PCDHGA5: variants seen among roughly 807,000 people sequenced by gnomAD.
The protein encoded by PCDHGA5 is protocadherin gamma-A5.
A neutral mutation model predicts 56.7 loss-of-function variants in PCDHGA5; 36 were observed. That is an observed-to-expected ratio of 0.64 (90% CI 0.49 to 0.84). The LOEUF (loss-of-function observed/expected upper bound fraction) is 0.84, where lower values mean the gene tolerates loss of function less well. Ranked by LOEUF, PCDHGA5 falls within the 40% of genes least tolerant of loss-of-function variation. The probability of loss-of-function intolerance (pLI) is 0.00; values close to 1 mark genes in which losing one functional copy is unlikely to be tolerated. For missense variants in PCDHGA5, 1,305 were observed against 1,201.5 expected, an observed-to-expected ratio of 1.09 and a Z score of -1.27; for synonymous variants, 563 against 520.2, an observed-to-expected ratio of 1.08 and a Z score of -1.12.
At position 141,477,115 on chromosome 5, in the gene PCDHGA5, A is replaced by G. The variant is rs1218111107; in HGVS notation, c.2422-17692A>G. ...AAGACAAGGGCGCCAATCCCGAAGG[A>G]GCACATTGCAAAGTGTTGGTGGAGG... On this transcript the variant is annotated intron_variant, in intron 1 of 3. Transcript: ENST00000518069. This position sits in a 1 kb window ranked among gnomAD's most constrained non-coding sequence, Gnocchi z 4.9. 1 of 1,614,230 alleles carries G rather than the reference A, an allele frequency of 6.2e-7. No homozygotes were observed. Among genetic ancestry groups the G allele is most frequent in the South Asian group, 1.1e-5 (1 of 91,090 alleles).
chr5:141,372,912 T>G, intron 1 of PCDHGA5: 1 of 1,057,916 alleles, frequency 9.5e-7, no homozygotes. Context: ...ATTACATTAT[T>G]TTATTGATTT....
At chr5:141,389,984 C>A (rs1388496409) in intron 1 of PCDHGA5, 1 of 1,613,952 alleles carries the variant, frequency 6.2e-7, no homozygotes, top group East Asian at 2.2e-5. Flanking sequence ...TCTCAGTGCT[C>A]TTCCTCGTGG....
intron 1 of PCDHGA5, chr5:141,393,842 T>A (rs1010461527): frequency 1.2e-6 from 2 of 1,613,830 alleles, no homozygotes; most frequent in African/African-American, 2.7e-5. Flanking sequence ...TAAATGACAA[T>A]AGACCAGAAG....
chr5:141,429,234 T>C (rs2097199038), intron 1 of PCDHGA5: 1 of 152,114 alleles, frequency 6.6e-6, no homozygotes, highest in African/African-American at 2.4e-5. Context: ...ATGATACTGC[T>C]GTCATTGAGA....
intron 1 of PCDHGA5, chr5:141,415,071 G>T: frequency 6.2e-7 from 1 of 1,613,422 alleles, no homozygotes; most frequent in East Asian, 2.2e-5. Flanking sequence ...AGGTGCGCAC[G>T]GCGCGAGCCC....
intron 1 of PCDHGA5, chr5:141,383,273 A>C: frequency 6.2e-7 from 1 of 1,613,960 alleles, no homozygotes; most frequent in Non-Finnish European, 8.5e-7. Flanking sequence ...GAAATAATAG[A>C]TATTAATGAC....
Position 141,485,298 on chromosome 5 carries a change from G to A in PCDHGA5, c.2422-9509G>A, listed in dbSNP as rs1562104502. 1 of 1,613,978 alleles carries A rather than the reference G, an allele frequency of 6.2e-7. No individual in the cohort carries two copies. On this transcript the variant is annotated intron_variant, in intron 1 of 3. Coordinates refer to ENST00000518069, the MANE Select transcript of PCDHGA5 (RefSeq NM_018918.3). This position sits in a 1 kb window ranked among gnomAD's most constrained non-coding sequence, Gnocchi z 5.7. ...CCGGTCCCAGAGGAGTCACAGGAAG[G>A]GACTTTTGTAGGGAATGTCGCTCAA...
intron 1 of PCDHGA5, chr5:141,384,638 G>A: frequency 1.2e-6 from 2 of 1,614,188 alleles, no homozygotes; most frequent in Non-Finnish European, 8.5e-7. Flanking sequence ...CTGGCACCCC[G>A]CTCCGCAGAG....
In PCDHGA5 at chr5:141,477,442, A is replaced by G; in HGVS notation, c.2422-17365A>G. The G allele has an allele frequency of 6.2e-7, 1 of 1,614,132 alleles. No individual in the cohort carries two copies. Among genetic ancestry groups the G allele is most frequent in the Non-Finnish European group, 8.5e-7 (1 of 1,180,022 alleles). ...CCCCTTCCCTCTCAGCCCTTACAAT[A>G]GTGCGTGTTCAAGTGTCCGACATCA... On this transcript the variant is annotated intron_variant, in intron 1 of 3. Coordinates refer to ENST00000518069, the MANE Select transcript of PCDHGA5 (RefSeq NM_018918.3). This position sits in a 1 kb window ranked among gnomAD's most constrained non-coding sequence, Gnocchi z 4.9.
chr5:141,427,829 G>C, intron 1 of PCDHGA5: 1 of 1,538,520 alleles, frequency 6.5e-7, no homozygotes. Flanking sequence ...TGGTCGCGCA[G>C]CGTGCCTTCG....
At chr5:141,397,920 T>A (rs2093586320) in intron 1 of PCDHGA5, 15 of 727,102 alleles carry the variant, frequency 2.1e-5, no homozygotes, top group Non-Finnish European at 3.3e-5. Flanking sequence ...CCAGATCTCC[T>A]CGCGCAGCCG....
intron 1 of PCDHGA5, chr5:141,391,305 T>TC (rs1349412285): frequency 6.6e-6 from 1 of 151,546 alleles, no homozygotes; most frequent in African/African-American, 2.4e-5. Flanking sequence ...GTCTTTCGAT[T>TC]CTTTTTTTTT....
chr5:141,422,197 G>C, intron 1 of PCDHGA5: 1 of 1,562,284 alleles, frequency 6.4e-7, no homozygotes, highest in Non-Finnish European at 8.6e-7. Flanking sequence ...TCAAGGCCAA[G>C]ATGGTGGAGG....
intron 1 of PCDHGA5, among the ~76,000 whole-genome samples, chr5:141,480,689 C>A (rs1266042791): frequency 6.6e-6 from 1 of 152,126 alleles, no homozygotes; most frequent in Non-Finnish European, 1.5e-5. Flanking sequence ...AATTCTGAAA[C>A]CCAGGCCACA....
chr5:141,383,193 G>A, intron 1 of PCDHGA5: 2 of 1,614,066 alleles, frequency 1.2e-6, no homozygotes, highest in Non-Finnish European at 1.7e-6. Flanking sequence ...TCTGCGCTCA[G>A]AGTGCGCGGT....
At position 141,511,124 on chromosome 5, in the gene PCDHGA5, C is replaced by A. The variant is rs752246201; in HGVS notation, c.2747C>A (p.Ala916Glu). The A allele has an allele frequency of 6.2e-7, 1 of 1,614,206 alleles. No homozygotes were observed. The highest frequency in any genetic ancestry group is 8.5e-7 in the Non-Finnish European group (1 of 1,180,022). ...AAGKRDGKAP[A>E]GGNGNKKKSG... The stretch of plus-strand genomic sequence containing the variant: ...GGCAAGCGGGATGGCAAGGCCCCAG[C>A]AGGTGGCAATGGCAACAAGAAGAAG... Residue 916 changes from alanine (A) to glutamate (E), a missense_variant, in exon 4 of 4, where the codon GCA becomes GAA. Coordinates refer to ENST00000518069, the MANE Select transcript of PCDHGA5 (RefSeq NM_018918.3).
intron 1 of PCDHGA5, among the ~76,000 whole-genome samples, chr5:141,449,264 C>T (rs2098633342): frequency 6.6e-6 from 1 of 152,056 alleles, no homozygotes; most frequent in African/African-American, 2.4e-5. Flanking sequence ...GTACAAAGAA[C>T]TGTATCTCCT....
At chr5:141,430,771 G>A (rs772862341) in intron 1 of PCDHGA5, 37 of 1,506,734 alleles carry the variant, frequency 2.5e-5, no homozygotes, top group Non-Finnish European at 2.7e-5. Flanking sequence ...TGATTCCTGC[G>A]CGACTGCACC....
chr5:141,427,871 G>A (rs762885351), intron 1 of PCDHGA5: 1 of 1,559,530 alleles, frequency 6.4e-7, no homozygotes, highest in South Asian at 1.1e-5. Flanking sequence ...TCGAGCTCAC[G>A]ATGCAGGCCC....
Sources: gnomAD v4.1 joint callset for allele counts (sites outside exome capture counted in the v4.1 genomes callset) on GRCh38, gnomAD v4.1.1 for gene constraint, Gnocchi (gnomAD v3.1) non-coding constraint, MANE v1.5 for transcripts, NCBI Gene and HGNC (gene_info 2026-07-23, HGNC 2026-07-21) for gene names.